The following NDST4 variants were observed in gnomAD, a reference collection of about 807,000 sequenced individuals.
NDST4 encodes the protein N-heparan sulfate sulfotransferase 4.
Under a neutral mutation model 100.8 loss-of-function variants are expected in NDST4, and 63 were observed. That is an observed-to-expected ratio of 0.62 (90% CI 0.51 to 0.77). NDST4 has a LOEUF of 0.77. Among genes scored for constraint, NDST4 ranks in the 30% least tolerant of loss-of-function variants. The probability of loss-of-function intolerance (pLI) is 0.00; values close to 1 mark genes in which losing one functional copy is unlikely to be tolerated. For missense variants in NDST4, 943 were observed against 1,018.4 expected, an observed-to-expected ratio of 0.93 and a Z score of 1.01; for synonymous variants, 377 against 361.8, an observed-to-expected ratio of 1.04 and a Z score of -0.48.
At chr4:114,939,628 GA>G (rs994358775) in intron 4 of NDST4, among the ~76,000 whole-genome samples, 2 of 143,028 alleles carry the variant, frequency 1.4e-5, no homozygotes, top group African/African-American at 2.6e-5. Flanking sequence ...ATCTCCTCAG[GA>G]AAAAAAAAGA....
intron 4 of NDST4, among the ~76,000 whole-genome samples, chr4:114,948,722 A>G (rs540455763): frequency 6.6e-6 from 1 of 152,204 alleles, no homozygotes; most frequent in Admixed American, 6.6e-5. Context: ...ACATATTTGG[A>G]AACAATTTCT....
At chr4:115,103,584 T>A (rs1729778492) in intron 1 of NDST4, among the ~76,000 whole-genome samples, 1 of 152,094 alleles carries the variant, frequency 6.6e-6, no homozygotes, top group Admixed American at 6.6e-5. Context: ...CTTCAGAGAG[T>A]TCTTAATTTT....
chr4:114,883,055 ATTTC>A (rs1724404531), intron 6 of NDST4, among the ~76,000 whole-genome samples: 1 of 152,112 alleles, frequency 6.6e-6, no homozygotes, highest in Non-Finnish European at 1.5e-5. Context: ...AAAAACAGGA[ATTTC>A]TTTGTCAGTG....
At chr4:114,904,436 A>G (rs1182512294) in intron 6 of NDST4, among the ~76,000 whole-genome samples, 1 of 151,946 alleles carries the variant, frequency 6.6e-6, no homozygotes, top group Non-Finnish European at 1.5e-5. Flanking sequence ...TCTCATTAAT[A>G]ACCTAAACTA....
intron 7 of NDST4, among the ~76,000 whole-genome samples, chr4:114,861,234 T>TA (rs1261682799): frequency 2.6e-5 from 4 of 152,182 alleles, no homozygotes; most frequent in Admixed American, 1.3e-4. Flanking sequence ...GCCCAGTCAT[T>TA]AAGAGCATGA....
chr4:114,974,520 A>G (rs1726586918), intron 3 of NDST4, among the ~76,000 whole-genome samples: 1 of 152,166 alleles, frequency 6.6e-6, no homozygotes, highest in South Asian at 2.1e-4. Context: ...CTGGCAAAAT[A>G]CAGTGGGTAG....
chr4:115,108,631 A>C (rs564337094), intron 1 of NDST4, among the ~76,000 whole-genome samples: 14 of 152,038 alleles, frequency 9.2e-5, no homozygotes, highest in African/African-American at 2.9e-4. Flanking sequence ...ACTGATATTA[A>C]AAAGGGAGTG....
intron 1 of NDST4, among the ~76,000 whole-genome samples, chr4:115,084,571 C>T (rs1210142489): frequency 6.6e-6 from 1 of 152,158 alleles, no homozygotes; most frequent in Non-Finnish European, 1.5e-5. Context: ...AGGGTCCCCC[C>T]TGCTGTGTGC....
At chr4:115,052,641 C>G (rs1425104527) in intron 2 of NDST4, among the ~76,000 whole-genome samples, 1 of 152,076 alleles carries the variant, frequency 6.6e-6, no homozygotes, top group African/African-American at 2.4e-5. Context: ...TCCTTATTTG[C>G]CTTCTTTCAT....
chr4:114,838,957 A>G (rs548151942), intron 11 of NDST4, among the ~76,000 whole-genome samples: 6 of 152,248 alleles, frequency 3.9e-5, no homozygotes, highest in South Asian at 4.2e-4. Flanking sequence ...TAAGGGCCAT[A>G]CAGAACAAAC....
chr4:114,840,230 T>G (rs1280224916), intron 10 of NDST4, among the ~76,000 whole-genome samples: 1 of 152,170 alleles, frequency 6.6e-6, no homozygotes, highest in Non-Finnish European at 1.5e-5. Context: ...CTTCTACTTT[T>G]CAGTATCAAA....
intron 2 of NDST4, among the ~76,000 whole-genome samples, chr4:115,045,605 A>G (rs1728448363): frequency 1.3e-5 from 2 of 152,164 alleles, no homozygotes; most frequent in South Asian, 4.1e-4. Flanking sequence ...GTAGACTGAT[A>G]TTGAACAACA....
intron 4 of NDST4, among the ~76,000 whole-genome samples, chr4:114,949,151 C>T (rs1483748085): frequency 6.6e-6 from 1 of 151,928 alleles, no homozygotes; most frequent in African/African-American, 2.4e-5. Flanking sequence ...TTGACCACTT[C>T]AAGAATCCAG....
rs752417349 is a variant in NDST4 at position 115,077,087 on chromosome 4, G to A, written c.-51C>T. 6.7e-7 allele frequency: 1 copy of A among 1,490,308 alleles called. No individual in the cohort carries two copies. 92.3% of individuals were successfully genotyped at this position (1,490,308 alleles called of 1,614,324 possible). Reference sequence around the variant, plus strand: ...TTTTCCCAATTTCGTTTCCTAAAGTGCCATAGTGAATAAAGTATGAGATGT... The same window carrying A: ...TTTTCCCAATTTCGTTTCCTAAAGTACCATAGTGAATAAAGTATGAGATGT... On this transcript the variant is annotated 5_prime_UTR_variant, in exon 2 of 14. Transcript: ENST00000264363.
At chr4:115,000,527 T>C (rs1207541813) in intron 2 of NDST4, among the ~76,000 whole-genome samples, 2 of 152,032 alleles carry the variant, frequency 1.3e-5, no homozygotes, top group Non-Finnish European at 2.9e-5. Context: ...TGTCAGTAAT[T>C]TAAAAATAAA....
rs565851489 is a variant in NDST4 at position 114,851,414 on chromosome 4, C to T, written c.1816+1311G>A. ...TTTGTTTGTCTTAGGAAAGCCAAAA[C>T]CAGCTAAATGCTTTATCATTTCCAT... On this transcript the variant is annotated intron_variant, in intron 8 of 13. Transcript: ENST00000264363. Among the ~76,000 whole-genome samples, 18 of 152,258 alleles carry T rather than the reference C, an allele frequency of 1.2e-4. No homozygotes were observed. The South Asian group carries it at 3.7e-3, about 32-fold the overall frequency.
At position 115,005,926 on chromosome 4, in the gene NDST4, G is replaced by A. The variant is rs192931745; in HGVS notation, c.979-28652C>T. Among the ~76,000 whole-genome samples the A allele has an allele frequency of 2.3e-3, 345 of 151,426 alleles. 1 individual carries two copies. The highest frequency in any genetic ancestry group is 8.0e-3 in the African/African-American group (329 of 41,268). On this transcript the variant is annotated intron_variant, in intron 2 of 13. Coordinates refer to ENST00000264363, the MANE Select transcript of NDST4 (RefSeq NM_022569.3). ...TATGCGTTTGTAATCTCAGCTACTC[G>A]GGAGGCTGAGGCAGAGAATCGCTTG...
At chr4:115,080,617 T>A (rs1729280730) in intron 1 of NDST4, among the ~76,000 whole-genome samples, 1 of 150,582 alleles carries the variant, frequency 6.6e-6, no homozygotes, top group Non-Finnish European at 1.5e-5. Context: ...TTATGTATGC[T>A]TGAAAATTTT....
At position 114,847,926 on chromosome 4, in the gene NDST4, C is replaced by T. The variant is rs187083552; in HGVS notation, c.1940+289G>A. Among the ~76,000 whole-genome samples the T allele has an allele frequency of 9.0e-4, 137 of 152,204 alleles. 1 individual carries two copies. The highest frequency in any genetic ancestry group is 2.1e-3 in the South Asian group (10 of 4,826). ...AATTAGGCACAGTTAAATAATGCTA[C>T]GCTTAAAGAGAATTTTAAATACCCT... On this transcript the variant is annotated intron_variant, in intron 9 of 13. Coordinates refer to ENST00000264363, the MANE Select transcript of NDST4 (RefSeq NM_022569.3).
Sources: allele counts gnomAD v4.1 joint callset (sites outside exome capture counted in the v4.1 genomes callset), GRCh38; gene constraint gnomAD v4.1.1; transcripts MANE v1.5; gene names NCBI Gene and HGNC (gene_info 2026-07-23, HGNC 2026-07-21).